COQ5: variants seen among roughly 807,000 people sequenced by gnomAD.
COQ5 encodes the protein 2-methoxy-6-polyprenyl-1,4-benzoquinol methylase, mitochondrial.
In COQ5, 27 loss-of-function variants were observed where a neutral mutation model predicts 40.5. That is an observed-to-expected ratio of 0.67 (90% confidence interval 0.49 to 0.92). The LOEUF is 0.92. COQ5 is among the 40% of genes least tolerant of loss of function. The pLI, the probability that COQ5 is intolerant of heterozygous loss-of-function variation, is 0.00. For synonymous variants in COQ5, 141 were observed against 150.0 expected, an observed-to-expected ratio of 0.94 and a Z score of 0.44; for missense variants, 409 against 406.4, an observed-to-expected ratio of 1.01 and a Z score of -0.06.
chr12:120,516,806 G>T lies in COQ5; in HGVS notation c.353-18C>A. 6.3e-7 allele frequency: 1 copy of T among 1,598,152 alleles called. No individual in the cohort carries two copies. Among genetic ancestry groups the T allele is most frequent in the Non-Finnish European group, 8.6e-7 (1 of 1,165,474 alleles). The stretch of plus-strand genomic sequence containing the variant: ...AATGTCACCTGTGGGAAGCCAACAT[G>T]AGGAAAGATGCAGACTAAAACAAAA... On this transcript the variant is annotated intron_variant, in intron 2 of 6. Coordinates refer to ENST00000288532, the MANE Select transcript of COQ5 (RefSeq NM_032314.4).
intron 4 of COQ5, among the ~76,000 whole-genome samples, chr12:120,507,694 C>T (rs1199145707): frequency 6.7e-6 from 1 of 149,716 alleles, no homozygotes; most frequent in East Asian, 2.1e-4. Context: ...TTGAGACCAG[C>T]CTGACCAACA....
chr12:120,519,457 G>A (rs764019423), intron 2 of COQ5, among the ~76,000 whole-genome samples: 19 of 152,190 alleles, frequency 1.2e-4, no homozygotes, highest in Non-Finnish European at 2.4e-4. Flanking sequence ...CTACTTGGGA[G>A]GCCAAGGCAT....
intron 3 of COQ5, among the ~76,000 whole-genome samples, 189 bp downstream of exon 3, chr12:120,516,378 T>C (rs1338605493): frequency 1.3e-5 from 2 of 152,178 alleles, no homozygotes; most frequent in Non-Finnish European, 2.9e-5. Context: ...GCTCACTCAA[T>C]GGGCTGCTAT....
chr12:120,514,697 C>A (rs1024154861), intron 3 of COQ5, among the ~76,000 whole-genome samples: 1 of 151,640 alleles, frequency 6.6e-6, no homozygotes, highest in East Asian at 2.0e-4. Context: ...GACCCGAGAT[C>A]GCTCCACTGT....
At chr12:120,519,269 A>C (rs866158566) in intron 2 of COQ5, among the ~76,000 whole-genome samples, 1 of 152,176 alleles carries the variant, frequency 6.6e-6, no homozygotes, top group Non-Finnish European at 1.5e-5. Context: ...ATAGAATTGA[A>C]AATGTGAGGC....
intron 1 of COQ5, chr12:120,526,537 T>C (rs1475402111): frequency 1.1e-5 from 5 of 451,882 alleles, no homozygotes; most frequent in Non-Finnish European, 2.2e-5. Flanking sequence ...ACTTTCACAT[T>C]AAAGGAGTTC....
At chr12:120,516,418 A>G (rs1448937859) in intron 3 of COQ5, 149 bp downstream of exon 3, 1 of 764,002 alleles carries the variant, frequency 1.3e-6, no homozygotes, top group Non-Finnish European at 2.3e-6. Context: ...CAGCACACAA[A>G]CTAGATTCAG....
chr12:120,508,852 C>T (rs141563543), intron 4 of COQ5, among the ~76,000 whole-genome samples: 268 of 152,084 alleles, frequency 1.8e-3, no homozygotes, highest in African/African-American at 5.8e-3. Flanking sequence ...AGTGAAATGC[C>T]GTCTCTACTG....
At chr12:120,523,162 C>G (rs1451051234) in intron 1 of COQ5, 1 of 255,868 alleles carries the variant, frequency 3.9e-6, no homozygotes, top group East Asian at 8.0e-5. Flanking sequence ...CATGGTGAAA[C>G]CCCGTCTCTA....
intron 2 of COQ5, among the ~76,000 whole-genome samples, chr12:120,520,660 G>A (rs1055034661): frequency 5.3e-5 from 8 of 151,588 alleles, no homozygotes; most frequent in South Asian, 2.1e-4. Context: ...TAGTAGAGAC[G>A]GGGTTTCACC....
intron 4 of COQ5, among the ~76,000 whole-genome samples, chr12:120,508,641 A>G (rs1301846311): frequency 6.6e-6 from 1 of 152,230 alleles, no homozygotes; most frequent in African/African-American, 2.4e-5. Context: ...TGACTGTCTG[A>G]AGGGAGAAGC....
chr12:120,515,112 G>C (rs941673395), intron 3 of COQ5, among the ~76,000 whole-genome samples: 11 of 150,984 alleles, frequency 7.3e-5, no homozygotes, highest in Non-Finnish European at 1.6e-4. Context: ...TTTTTTTTGA[G>C]ACAGGGTCTT....
chr12:120,522,043 G>A (rs1483755701), intron 2 of COQ5, among the ~76,000 whole-genome samples, 171 bp downstream of exon 2: 1 of 152,036 alleles, frequency 6.6e-6, no homozygotes, highest in Admixed American at 6.6e-5. Flanking sequence ...CTATGCTTTT[G>A]ATTGATATTC....
At chr12:120,509,594 A>T (rs776259623) in intron 4 of COQ5, among the ~76,000 whole-genome samples, 2 of 152,172 alleles carry the variant, frequency 1.3e-5, no homozygotes, top group Non-Finnish European at 2.9e-5. Context: ...TGTGAATACC[A>T]ATCCAAGTAA....
At chr12:120,511,619 C>T (rs989465542) in intron 3 of COQ5, among the ~76,000 whole-genome samples, 1 of 151,908 alleles carries the variant, frequency 6.6e-6, no homozygotes, top group East Asian at 1.9e-4. Context: ...GACCATATCT[C>T]GAAAAAATAA....
intron 1 of COQ5, 171 bp from the exon 2 acceptor site, chr12:120,522,534 A>ATT: frequency 1.4e-5 from 9 of 634,456 alleles, no homozygotes; most frequent in East Asian, 2.8e-5. Context: ...CTCTTTATTG[A>ATT]TTTATTTTTT....
intron 3 of COQ5, among the ~76,000 whole-genome samples, chr12:120,514,745 AAAC>A (rs375392327): frequency 0.028 from 4,173 of 147,886 alleles, 151 homozygotes; most frequent in African/African-American, 0.088. Context: ...TCTGTCTCAG[AAAC>A]AACAACAACA....
intron 3 of COQ5, among the ~76,000 whole-genome samples, chr12:120,511,966 C>A (rs2137082167): frequency 6.6e-6 from 1 of 152,226 alleles, no homozygotes; most frequent in East Asian, 1.9e-4. Flanking sequence ...AATCCCAGCA[C>A]TTTGGGAGGC....
At chr12:120,525,706 C>T (rs917782207) in intron 1 of COQ5, among the ~76,000 whole-genome samples, 5 of 151,920 alleles carry the variant, frequency 3.3e-5, no homozygotes, top group Admixed American at 2.0e-4. Context: ...GGGGGGATCA[C>T]GAGGTCCAGA....
Sources: gnomAD v4.1 joint callset for allele counts (sites outside exome capture counted in the v4.1 genomes callset) on GRCh38, gnomAD v4.1.1 for gene constraint, MANE v1.5 for transcripts, NCBI Gene and HGNC (gene_info 2026-07-23, HGNC 2026-07-21) for gene names.